Variants in MYO1H observed in about 807,000 individuals in gnomAD.
The protein encoded by MYO1H is unconventional myosin-Ih.
Under a neutral mutation model 149.3 loss-of-function variants are expected in MYO1H, and 118 were observed. The ratio of observed to expected loss-of-function variants is 0.79; its 90% CI spans 0.68 to 0.92. The LOEUF is 0.92. MYO1H is among the 40% of genes least tolerant of loss of function. MYO1H has a pLI of 0.00. For missense variants in MYO1H, 1,212 were observed against 1,280.7 expected, an observed-to-expected ratio of 0.95 and a Z score of 0.82; for synonymous variants, 447 against 465.2, an observed-to-expected ratio of 0.96 and a Z score of 0.50.
At chr12:109,314,254 C>T in the MYO1H span, among the ~76,000 whole-genome samples, 1 of 145,494 alleles carries the variant, frequency 6.9e-6, no homozygotes, top group African/African-American at 2.6e-5. Flanking sequence ...AAAATCTGGG[C>T]TGTCTCTTGG....
rs912710873 is a variant in MYO1H, at chr12:109,436,394, C to G, written c.2141-94C>G. 4 of 817,504 alleles carry G rather than the reference C, an allele frequency of 4.9e-6. No homozygotes were observed. The African/African-American group carries it at 6.8e-5, about 14-fold the overall frequency. The allele number at this position is 817,504 out of a possible 1,614,324, so 50.6% of individuals were successfully genotyped here. A position where few individuals can be genotyped will look rare whatever the true frequency, so the allele number is the denominator to read the frequency against. ...CACTACACCACAGGACTTTGATGCC[C>G]CCTTCCATCGGCCCCCAAACACCCC... is the stretch of plus-strand genomic sequence containing the variant. On this transcript the variant is annotated intron_variant, in intron 21 of 31. Coordinates refer to ENST00000310903, the Ensembl canonical transcript of MYO1H.
At chr12:109,430,097 A>G (rs1871546793) in intron 19 of MYO1H, among the ~76,000 whole-genome samples, 1 of 152,192 alleles carries the variant, frequency 6.6e-6, no homozygotes, top group South Asian at 2.1e-4. Context: ...GTTAGATTTC[A>G]TCATATGAAT....
the MYO1H span, among the ~76,000 whole-genome samples, chr12:109,312,598 T>G: frequency 2.0e-5 from 3 of 152,080 alleles, no homozygotes; most frequent in African/African-American, 7.2e-5. Flanking sequence ...AGTCCTTGGC[T>G]TTTGCTTTGC....
chr12:109,333,371 A>G, the MYO1H span, among the ~76,000 whole-genome samples: 1 of 152,118 alleles, frequency 6.6e-6, no homozygotes, highest in Admixed American at 6.5e-5. Flanking sequence ...CTTATGTTGC[A>G]TCGTGTCCTC....
In MYO1H at chr12:109,438,631, A is replaced by C. The variant is rs781029347; in HGVS notation, c.2294+11A>C. ...GCGGATTATCAGAAAGTAAGTTCTCAGGTACAACAGAGAGGACAGGTCACT... is the reference window on the plus strand; with the variant it reads ...GCGGATTATCAGAAAGTAAGTTCTCCGGTACAACAGAGAGGACAGGTCACT... On this transcript the variant is annotated intron_variant, in intron 23 of 31. Coordinates refer to ENST00000310903, the Ensembl canonical transcript of MYO1H. 1 of 1,600,276 alleles carries C rather than the reference A, an allele frequency of 6.2e-7. No individual in the cohort carries two copies. The highest frequency in any genetic ancestry group is 8.5e-7 in the Non-Finnish European group (1 of 1,171,356).
the MYO1H span, among the ~76,000 whole-genome samples, chr12:109,336,929 T>C: frequency 6.6e-6 from 1 of 151,980 alleles, no homozygotes; most frequent in East Asian, 1.9e-4. Context: ...GGGCCAAACA[T>C]GGAGTTGGAG....
At chr12:109,444,971 G>A (rs1806219612) in intron 30 of MYO1H, among the ~76,000 whole-genome samples, 1 of 152,094 alleles carries the variant, frequency 6.6e-6, no homozygotes, top group Non-Finnish European at 1.5e-5. Context: ...ACCAGTAAGG[G>A]GTGAGAAGCC....
chr12:109,333,608 G>C, the MYO1H span, among the ~76,000 whole-genome samples: 1 of 152,096 alleles, frequency 6.6e-6, no homozygotes, highest in Admixed American at 6.5e-5. Flanking sequence ...CATGAGGAGG[G>C]GTCCTAAGTG....
chr12:109,361,841 G>A (rs192518550), intron 1 of MYO1H, among the ~76,000 whole-genome samples: 2,173 of 94,188 alleles, frequency 0.023, 7 homozygotes, highest in South Asian at 0.035. Flanking sequence ...AAAAAAAAAA[G>A]AAGAACCACT....
At chr12:109,364,308 T>C (rs528238828) in intron 1 of MYO1H, among the ~76,000 whole-genome samples, 1 of 151,532 alleles carries the variant, frequency 6.6e-6, no homozygotes, top group Non-Finnish European at 1.5e-5. Context: ...TATTTAATAA[T>C]CATAGTGTCC....
At chr12:109,443,523 C>G (rs900278178) in exon 28 of MYO1H, 1 of 1,613,610 alleles carries the variant, frequency 6.2e-7, no homozygotes, top group Non-Finnish European at 8.5e-7. Context: ...GTATGGTGTC[C>G]CGGTCATTAA....
In MYO1H at chr12:109,447,966, G is replaced by A. The variant is rs534978582; in HGVS notation, c.*784G>A. 6 of 152,324 alleles carry A rather than the reference G, an allele frequency of 3.9e-5. No homozygotes were observed. The East Asian group carries it at 7.7e-4, about 20-fold the overall frequency. The allele number at this position is 152,324 out of a possible 1,614,324, so 9.4% of individuals were successfully genotyped here. On this transcript the variant is annotated 3_prime_UTR_variant, in exon 32 of 32. Transcript: ENST00000310903. ...CAAAAGCGTGTAGCGAGCCTGCCAC[G>A]CTTGTGACTGGGGAGGGGCTCCGTA...
At chr12:109,443,045 T>TGTGTGTGTATATGTGTAC (rs1555255542) in intron 27 of MYO1H, among the ~76,000 whole-genome samples, 2 of 93,518 alleles carry the variant, frequency 2.1e-5, no homozygotes, top group African/African-American at 1.1e-4. Context: ...TGTGTGTGTG[T>TGTGTGTGTATATGTGTAC]GTATATATGT....
chr12:109,314,354 CAA>C, the MYO1H span, among the ~76,000 whole-genome samples: 4 of 152,186 alleles, frequency 2.6e-5, no homozygotes, highest in South Asian at 8.3e-4. Context: ...TCTGAATCAT[CAA>C]AGACATAACA....
At chr12:109,341,914 T>A in the MYO1H span, among the ~76,000 whole-genome samples, 1 of 152,180 alleles carries the variant, frequency 6.6e-6, no homozygotes, top group East Asian at 1.9e-4. Context: ...CTGGGTAGGC[T>A]GCTGCAGGCT....
the MYO1H span, among the ~76,000 whole-genome samples, chr12:109,341,858 T>TG: frequency 6.6e-6 from 1 of 152,236 alleles, no homozygotes; most frequent in South Asian, 2.1e-4. Flanking sequence ...TGATGTGTAG[T>TG]CTGCTGGCTT....
chr12:109,314,213 CTTTT>C, the MYO1H span, among the ~76,000 whole-genome samples: 20 of 132,124 alleles, frequency 1.5e-4, no homozygotes, highest in Non-Finnish European at 1.1e-4. Flanking sequence ...TTTTCTTTGT[CTTTT>C]TTTTTTTTTT....
At chr12:109,446,119 G>T in intron 31 of MYO1H, 1 of 985,454 alleles carries the variant, frequency 1.0e-6, no homozygotes, top group Non-Finnish European at 1.2e-6. Flanking sequence ...GAATACATGT[G>T]TCAAAGGCTG....
chr12:109,429,480 A>G (rs1487352610), intron 19 of MYO1H, among the ~76,000 whole-genome samples: 1 of 152,186 alleles, frequency 6.6e-6, no homozygotes, highest in Non-Finnish European at 1.5e-5. Flanking sequence ...ATATAGTCTA[A>G]TATCTATTTA....
Sources: gnomAD v4.1 joint callset for allele counts (sites outside exome capture counted in the v4.1 genomes callset) on GRCh38, gnomAD v4.1.1 for gene constraint, MANE v1.5 for transcripts, NCBI Gene and HGNC (gene_info 2026-07-23, HGNC 2026-07-21) for gene names.